The following CCDC57 variants were observed in gnomAD, a reference collection of about 807,000 sequenced individuals.
The protein encoded by CCDC57 is coiled-coil domain containing 57.
In CCDC57, 118 loss-of-function variants were observed where a neutral mutation model predicts 118.9. The ratio of observed to expected loss-of-function variants is 0.99; its 90% confidence interval spans 0.86 to 1.16. The LOEUF (loss-of-function observed/expected upper bound fraction) is 1.16, where lower values mean the gene tolerates loss of function less well. Ranked by LOEUF, CCDC57 falls within the 50% of genes most tolerant of loss-of-function variation. The pLI is 0.00. For missense variants in CCDC57, 1,300 were observed against 1,320.7 expected, an observed-to-expected ratio of 0.98 and a Z score of 0.24; for synonymous variants, 527 against 532.9, an observed-to-expected ratio of 0.99 and a Z score of 0.15.
At chr17:82,139,435 A>C (rs1172802557) in intron 16 of CCDC57, among the ~76,000 whole-genome samples, 1 of 151,836 alleles carries the variant, frequency 6.6e-6, no homozygotes, top group African/African-American at 2.4e-5. Flanking sequence ...GGCTCACTGC[A>C]ACCTCCGCCT....
chr17:82,117,905 C>A (rs1329908634), intron 19 of CCDC57, among the ~76,000 whole-genome samples: 1 of 152,116 alleles, frequency 6.6e-6, no homozygotes, highest in Admixed American at 6.5e-5. Flanking sequence ...AGCTATTTCC[C>A]TTCTGATCTA....
intron 19 of CCDC57, chr17:82,107,410 G>A (rs1308754697): frequency 4.3e-6 from 2 of 468,262 alleles, no homozygotes; most frequent in Admixed American, 2.3e-5. Flanking sequence ...ACCCTGCTGT[G>A]TGGCTTGTCA....
Position 82,196,194 on chromosome 17 carries a change from A to G in CCDC57, c.517-830T>C, listed in dbSNP as rs961605030. On this transcript the variant is annotated intron_variant, in intron 4 of 19. Transcript: ENST00000665763. ...GCTGGGCAGGACCACCCACAGCTGG[A>G]TCCTCCTCAAACTCCTTCTTTGGAA... 2.0e-5 allele frequency among the ~76,000 whole-genome samples: 3 copies of G among 152,192 alleles called. No individual in the cohort carries two copies. The East Asian group carries it at 5.8e-4, about 29-fold the overall frequency.
chr17:82,143,539 GCA>G (rs1165948005), intron 16 of CCDC57, among the ~76,000 whole-genome samples: 2 of 151,780 alleles, frequency 1.3e-5, no homozygotes, highest in East Asian at 3.9e-4. Context: ...CACCCCACAC[GCA>G]CACACACGTG....
At position 82,172,016 on chromosome 17, in the gene CCDC57, T is replaced by C. The variant is rs557137658; in HGVS notation, c.1730-163A>G. On this transcript the variant is annotated intron_variant, in intron 12 of 19. Transcript: ENST00000665763. The surrounding 1 kb of genome is among the most constrained non-coding windows in gnomAD (Gnocchi z 5.2). ...TTCACCGTAGTTTCCACACTCTCTG[T>C]GTGTGTCAGACTGAAAGACCTTCCC... Among the ~76,000 whole-genome samples, 2 of 152,230 alleles carry C rather than the reference T, an allele frequency of 1.3e-5. No homozygotes were observed. The highest frequency in any genetic ancestry group is 2.9e-5 in the Non-Finnish European group (2 of 68,020).
chr17:82,180,684 C>G (rs2046095214), intron 9 of CCDC57, among the ~76,000 whole-genome samples: 1 of 152,156 alleles, frequency 6.6e-6, no homozygotes, highest in South Asian at 2.1e-4. Context: ...ACCGTGTTAG[C>G]CAGGATCGTC....
At chr17:82,162,416 G>A (rs1321062561) in intron 14 of CCDC57, among the ~76,000 whole-genome samples, 2 of 152,256 alleles carry the variant, frequency 1.3e-5, no homozygotes, top group African/African-American at 2.4e-5. Flanking sequence ...GCTGGATGCA[G>A]ATACTGGTCC....
intron 2 of CCDC57, among the ~76,000 whole-genome samples, chr17:82,203,243 T>C (rs7219036): frequency 0.49 from 73,855 of 151,930 alleles, 18,746 homozygotes; most frequent in East Asian, 0.88. Context: ...CCTGCTCCTC[T>C]TTCACCTTCC....
chr17:82,143,046 C>G (rs148256417), intron 16 of CCDC57, among the ~76,000 whole-genome samples: 225 of 152,128 alleles, frequency 1.5e-3, no homozygotes, highest in African/African-American at 5.2e-3. Flanking sequence ...TGCCTGTAGT[C>G]TCAGCTACTC....
intron 16 of CCDC57, among the ~76,000 whole-genome samples, chr17:82,135,801 T>C (rs893600898): frequency 6.7e-5 from 8 of 120,038 alleles, no homozygotes; most frequent in Non-Finnish European, 1.2e-4. Flanking sequence ...GGCTCACACC[T>C]GTAACCCCAG....
chr17:82,110,447 A>C (rs1389427139), intron 19 of CCDC57, among the ~76,000 whole-genome samples: 1 of 152,196 alleles, frequency 6.6e-6, no homozygotes, highest in Non-Finnish European at 1.5e-5. Flanking sequence ...AAAAACAAAC[A>C]AACCCATGTC....
chr17:82,111,539 C>T (rs2035246842), intron 19 of CCDC57, among the ~76,000 whole-genome samples: 1 of 152,074 alleles, frequency 6.6e-6, no homozygotes. Flanking sequence ...CCACCACATC[C>T]AGTCTTCTTA....
chr17:82,210,100 C>G (rs1300403580), intron 1 of CCDC57, among the ~76,000 whole-genome samples: 1 of 151,786 alleles, frequency 6.6e-6, no homozygotes, highest in Non-Finnish European at 1.5e-5. Flanking sequence ...GACAGAGAGG[C>G]CAACTTGAAG....
chr17:82,193,233 T>A (rs747919213), intron 7 of CCDC57, among the ~76,000 whole-genome samples: 7 of 150,926 alleles, frequency 4.6e-5, no homozygotes, highest in Non-Finnish European at 1.0e-4. Context: ...ACCGAGAAAG[T>A]CCAGAGCATA....
intron 19 of CCDC57, among the ~76,000 whole-genome samples, chr17:82,103,828 C>A (rs2034644064): frequency 1.5e-5 from 1 of 67,246 alleles, no homozygotes; most frequent in Non-Finnish European, 3.4e-5. Context: ...GTCCCCGGGG[C>A]AGGGAGGGGC....
intron 3 of CCDC57, among the ~76,000 whole-genome samples, chr17:82,199,589 C>T (rs965732153): frequency 5.9e-5 from 9 of 152,080 alleles, no homozygotes; most frequent in Non-Finnish European, 1.0e-4. Context: ...CACAACATAA[C>T]GTAAAGCACT....
At chr17:82,182,700 T>C (rs1232347703) in intron 9 of CCDC57, among the ~76,000 whole-genome samples, 1 of 150,770 alleles carries the variant, frequency 6.6e-6, no homozygotes, top group Non-Finnish European at 1.5e-5. Context: ...TTATTCATTT[T>C]TTTGAGACAG....
At chr17:82,161,997 A>G (rs1412742314) in intron 14 of CCDC57, among the ~76,000 whole-genome samples, 1 of 121,100 alleles carries the variant, frequency 8.3e-6, no homozygotes, top group Non-Finnish European at 1.8e-5. Context: ...TTTTACCACA[A>G]TTAAAAAAAT....
intron 16 of CCDC57, among the ~76,000 whole-genome samples, chr17:82,138,682 C>G (rs1046560014): frequency 2.6e-5 from 4 of 151,472 alleles, no homozygotes; most frequent in African/African-American, 4.8e-5. Flanking sequence ...GACGCGTGGC[C>G]TGCCCCGGGT....
Sources: gnomAD v4.1 joint callset for allele counts (sites outside exome capture counted in the v4.1 genomes callset) on GRCh38, gnomAD v4.1.1 for gene constraint, Gnocchi (gnomAD v3.1) non-coding constraint, MANE v1.5 for transcripts, NCBI Gene and HGNC (gene_info 2026-07-23, HGNC 2026-07-21) for gene names.